SLX4IP: variants seen among roughly 807,000 people sequenced by gnomAD.
SLX4IP encodes protein SLX4IP.
Under a neutral mutation model 32.9 loss-of-function variants are expected in SLX4IP, and 34 were observed. The ratio of observed to expected loss-of-function variants is 1.03; its 90% CI spans 0.79 to 1.38. The LOEUF is 1.38. Ranked by LOEUF, SLX4IP falls within the 40% of genes most tolerant of loss-of-function variation. The probability of loss-of-function intolerance (pLI) is 0.00; values close to 1 mark genes in which losing one functional copy is unlikely to be tolerated. For missense variants in SLX4IP, 444 were observed against 479.0 expected, an observed-to-expected ratio of 0.93 and a Z score of 0.68; for synonymous variants, 172 against 171.7, an observed-to-expected ratio of 1.00 and a Z score of -0.01.
chr20:10,550,392 G>A (rs993561141), intron 2 of SLX4IP, among the ~76,000 whole-genome samples: 2 of 152,088 alleles, frequency 1.3e-5, no homozygotes, highest in African/African-American at 2.4e-5. Context: ...TGGTAGAAAC[G>A]GACCACATGC....
intron 6 of SLX4IP, among the ~76,000 whole-genome samples, chr20:10,609,880 C>T (rs1307686030): frequency 6.6e-6 from 1 of 151,898 alleles, no homozygotes; most frequent in Non-Finnish European, 1.5e-5. Flanking sequence ...AGATGTTTCC[C>T]TTCTACTTTT....
intron 2 of SLX4IP, among the ~76,000 whole-genome samples, chr20:10,470,393 G>A (rs930510575): frequency 6.6e-6 from 1 of 152,096 alleles, no homozygotes; most frequent in South Asian, 2.1e-4. Flanking sequence ...ATAATGTAAC[G>A]ATGCATAGTG....
At chr20:10,450,400 C>T (rs1332159484) in intron 1 of SLX4IP, among the ~76,000 whole-genome samples, 1 of 152,162 alleles carries the variant, frequency 6.6e-6, no homozygotes, top group African/African-American at 2.4e-5. Context: ...TTAAAAAATT[C>T]ATATAAAGTT....
rs560328665 is a variant in SLX4IP at position 10,495,880 on chromosome 20, T to TG, written c.27+37652dup. ...TTCTCTCTGATAAGTGGCAAATAGCTGGGTTTTTTTTTGTTGTTGTTATTA... is the reference window on the plus strand; with the variant it reads ...TTCTCTCTGATAAGTGGCAAATAGCTGGGGTTTTTTTTTGTTGTTGTTATTA... On this transcript the variant is annotated intron_variant, in intron 2 of 7. Transcript: ENST00000334534. Among the ~76,000 whole-genome samples, 13 of 152,188 alleles carry TG rather than the reference T, an allele frequency of 8.5e-5. No homozygotes were observed. The South Asian group carries it at 2.5e-3, about 29-fold the overall frequency.
At chr20:10,438,229 T>C (rs1462187152) in intron 1 of SLX4IP, among the ~76,000 whole-genome samples, 2 of 151,902 alleles carry the variant, frequency 1.3e-5, no homozygotes, top group Non-Finnish European at 2.9e-5. Context: ...TTTTTTTTTT[T>C]CTGTAAGTAC....
Position 10,485,572 on chromosome 20 carries a change from C to T in SLX4IP, c.27+27341C>T, listed in dbSNP as rs371250504. Among the ~76,000 whole-genome samples, 12 of 151,296 alleles carry T rather than the reference C, an allele frequency of 7.9e-5. No homozygotes were observed. In the East Asian group the frequency reaches 9.8e-4, roughly 12 times the overall value. ...GTGGAGTTTGCATTGAGCCCGAGAT[C>T]GCACCACTACACTTCATTCAGCCTG... On this transcript the variant is annotated intron_variant, in intron 2 of 7. Coordinates refer to ENST00000334534, the MANE Select transcript of SLX4IP (RefSeq NM_001009608.3).
At chr20:10,513,364 C>T (rs2065826303) in intron 2 of SLX4IP, among the ~76,000 whole-genome samples, 1 of 152,116 alleles carries the variant, frequency 6.6e-6, no homozygotes, top group South Asian at 2.1e-4. Flanking sequence ...GGCTCCAGAA[C>T]CCAAGCTGGG....
intron 1 of SLX4IP, among the ~76,000 whole-genome samples, chr20:10,441,236 A>AT (rs2065157382): frequency 6.6e-6 from 1 of 152,086 alleles, no homozygotes; most frequent in Non-Finnish European, 1.5e-5. Context: ...AGGACTTAGA[A>AT]AACAGCCTGG....
chr20:10,460,018 A>T (rs991658507), intron 2 of SLX4IP, among the ~76,000 whole-genome samples: 1 of 152,210 alleles, frequency 6.6e-6, no homozygotes, highest in African/African-American at 2.4e-5. Context: ...GTGCTTATTT[A>T]GATTTACTAA....
intron 2 of SLX4IP, among the ~76,000 whole-genome samples, chr20:10,467,669 C>G (rs892793867): frequency 6.6e-6 from 1 of 152,122 alleles, no homozygotes; most frequent in Non-Finnish European, 1.5e-5. Flanking sequence ...ATGCTGGAAG[C>G]TGTATTTAAG....
chr20:10,514,865 C>T (rs567279640), intron 2 of SLX4IP, among the ~76,000 whole-genome samples: 67 of 152,160 alleles, frequency 4.4e-4, no homozygotes, highest in African/African-American at 1.5e-3. Context: ...CTGTTGCATC[C>T]GCTGTATGTC....
rs57942782 is a variant in SLX4IP, at chr20:10,512,778, CTATATATATATA to C, written c.28-43420_28-43409del. Among the ~76,000 whole-genome samples the C allele has an allele frequency of 2.5e-3, 64 of 25,646 alleles. 1 individual carries two copies. The highest frequency in any genetic ancestry group is 0.01 in the East Asian group (9 of 896). The allele number at this position is 25,646 out of a possible 152,430, so 16.8% of individuals were successfully genotyped here. On this transcript the variant is annotated intron_variant, in intron 2 of 7. Coordinates refer to ENST00000334534, the MANE Select transcript of SLX4IP (RefSeq NM_001009608.3). ...ATGTATATATATACACACACACACT[CTATATATATATA>C]TATATATATATATATATATATATAT...
At chr20:10,506,082 A>T (rs1230940612) in intron 2 of SLX4IP, among the ~76,000 whole-genome samples, 1 of 152,228 alleles carries the variant, frequency 6.6e-6, no homozygotes, top group African/African-American at 2.4e-5. Flanking sequence ...CATGATCAGC[A>T]TGTTGAAACT....
chr20:10,451,256 GT>G (rs2065239578), intron 1 of SLX4IP, among the ~76,000 whole-genome samples: 1 of 151,808 alleles, frequency 6.6e-6, no homozygotes, highest in African/African-American at 2.4e-5. Context: ...CGCCTGCCAG[GT>G]TCAGGCGATT....
chr20:10,618,393 G>A (rs1026127674), intron 6 of SLX4IP, among the ~76,000 whole-genome samples: 1 of 152,182 alleles, frequency 6.6e-6, no homozygotes, highest in Admixed American at 6.5e-5. Flanking sequence ...AATCTTAAAA[G>A]TATAACCAAA....
At chr20:10,554,128 C>T (rs986638517) in intron 2 of SLX4IP, among the ~76,000 whole-genome samples, 1 of 152,168 alleles carries the variant, frequency 6.6e-6, no homozygotes, top group African/African-American at 2.4e-5. Flanking sequence ...CAGTTTTTTA[C>T]CCCCCTGGGA....
intron 4 of SLX4IP, among the ~76,000 whole-genome samples, chr20:10,597,939 C>A (rs2066791290): frequency 6.6e-6 from 1 of 152,136 alleles, no homozygotes; most frequent in Admixed American, 6.5e-5. Flanking sequence ...TAATCTCATT[C>A]TATATGAAGA....
chr20:10,480,462 TC>T (rs968593672), intron 2 of SLX4IP, among the ~76,000 whole-genome samples: 23 of 152,268 alleles, frequency 1.5e-4, no homozygotes, highest in African/African-American at 4.8e-4. Flanking sequence ...AGAACATCAT[TC>T]CGGATGTGTA....
Position 10,558,008 on chromosome 20 carries a change from A to G in SLX4IP, c.117+1688A>G, listed in dbSNP as rs112773997. On this transcript the variant is annotated intron_variant, in intron 3 of 7. Coordinates refer to ENST00000334534, the MANE Select transcript of SLX4IP (RefSeq NM_001009608.3). The stretch of plus-strand genomic sequence containing the variant: ...GGCTGAGCTTGCCTCTCAAAACCAA[A>G]TGGTCGGTTTGCTGCTGCTTCTTTA... Among the ~76,000 whole-genome samples the G allele has an allele frequency of 2.4e-3, 369 of 152,254 alleles. 2 individuals carry two copies. The highest frequency in any genetic ancestry group is 7.7e-3 in the African/African-American group (320 of 41,544).
Sources: gnomAD v4.1 joint callset for allele counts (sites outside exome capture counted in the v4.1 genomes callset) on GRCh38, gnomAD v4.1.1 for gene constraint, MANE v1.5 for transcripts, NCBI Gene and HGNC (gene_info 2026-07-23, HGNC 2026-07-21) for gene names.